The following PPP6R2 variants were observed in gnomAD, a reference collection of about 807,000 sequenced individuals.
PPP6R2 encodes the protein protein phosphatase 6 regulatory subunit 2, also known as serine/threonine-protein phosphatase 6 regulatory subunit 2.
Under a neutral mutation model 100.2 loss-of-function variants are expected in PPP6R2, and 62 were observed. The ratio of observed to expected loss-of-function variants is 0.62; its 90% confidence interval spans 0.50 to 0.76. PPP6R2 has a LOEUF of 0.76. Among genes scored for constraint, PPP6R2 ranks in the 30% least tolerant of loss-of-function variants. The pLI is 0.00. For missense variants in PPP6R2, 1,142 were observed against 1,276.3 expected, an observed-to-expected ratio of 0.89 and a Z score of 1.60; for synonymous variants, 525 against 514.7, an observed-to-expected ratio of 1.02 and a Z score of -0.27.
rs951316286 is a variant in PPP6R2 at position 50,396,790 on chromosome 22, G to A, written c.227+2655G>A. Among the ~76,000 whole-genome samples the A allele has an allele frequency of 1.2e-4, 19 of 152,304 alleles. No individual in the cohort carries two copies. The East Asian group carries it at 3.5e-3, about 28-fold the overall frequency. ...TTTAGGGTGGTCAGGCGTCCTCTTA[G>A]GTAAGGGGAGCAGTGCTGGGTTGGG... On this transcript the variant is annotated intron_variant, in intron 3 of 23. Transcript: ENST00000612753.
the PPP6R2 span, among the ~76,000 whole-genome samples, chr22:50,338,172 GGT>G: frequency 0.016 from 2,255 of 138,162 alleles, 28 homozygotes; most frequent in South Asian, 0.037. Context: ...CGATGTGTGA[GGT>G]GTGTGTGTGC....
At chr22:50,391,432 CAAAAA>C (rs57682271) in intron 2 of PPP6R2, among the ~76,000 whole-genome samples, 2 of 65,292 alleles carry the variant, frequency 3.1e-5, no homozygotes, top group African/African-American at 6.4e-5. Flanking sequence ...GACTCCGTCT[CAAAAA>C]AAAAAAAAAA....
At chr22:50,377,598 G>A (rs1378741664) in intron 2 of PPP6R2, among the ~76,000 whole-genome samples, 5 of 152,192 alleles carry the variant, frequency 3.3e-5, no homozygotes, top group East Asian at 1.9e-4. Flanking sequence ...ATGGGACATC[G>A]AGGGCAAATG....
intron 10 of PPP6R2, among the ~76,000 whole-genome samples, chr22:50,428,679 T>A (rs1180261019): frequency 6.6e-6 from 1 of 151,958 alleles, no homozygotes; most frequent in Non-Finnish European, 1.5e-5. Flanking sequence ...CACGCCACTG[T>A]GTGTACTTCA....
At chr22:50,386,038 T>C (rs1165553084) in intron 2 of PPP6R2, among the ~76,000 whole-genome samples, 2 of 151,284 alleles carry the variant, frequency 1.3e-5, no homozygotes, top group Non-Finnish European at 2.9e-5. Context: ...TTAGCCAGGA[T>C]GGTCTCGATC....
At chr22:50,427,911 A>G (rs111704702) in intron 10 of PPP6R2, among the ~76,000 whole-genome samples, 2,092 of 152,286 alleles carry the variant, frequency 0.014, 20 homozygotes, top group South Asian at 0.029. Flanking sequence ...TAGTAGAGAC[A>G]GGGTTTCACC....
intron 1 of PPP6R2, among the ~76,000 whole-genome samples, chr22:50,356,193 T>G (rs997042943): frequency 2.0e-5 from 3 of 151,652 alleles, no homozygotes; most frequent in Non-Finnish European, 1.5e-5. Flanking sequence ...CTCGATCTCC[T>G]GACCTCGTGA....
At chr22:50,384,711 T>C (rs2053852377) in intron 2 of PPP6R2, among the ~76,000 whole-genome samples, 1 of 152,136 alleles carries the variant, frequency 6.6e-6, no homozygotes, top group Non-Finnish European at 1.5e-5. Context: ...CTGAGTAGTG[T>C]ACTAGCTCAG....
intron 3 of PPP6R2, among the ~76,000 whole-genome samples, chr22:50,404,814 T>A (rs1401806729): frequency 6.6e-6 from 1 of 152,090 alleles, no homozygotes; most frequent in East Asian, 1.9e-4. Flanking sequence ...AGGCCTGTTC[T>A]GAGACAGCCA....
the PPP6R2 span, among the ~76,000 whole-genome samples, chr22:50,332,188 A>G: frequency 6.6e-6 from 1 of 151,818 alleles, no homozygotes; most frequent in African/African-American, 2.4e-5. Flanking sequence ...GTCTTAACCT[A>G]AGGTCCTAAG....
At chr22:50,436,852 G>A (rs2064400394) in intron 14 of PPP6R2, 136 bp from the exon 15 acceptor site, 3 of 740,856 alleles carry the variant, frequency 4.0e-6, no homozygotes, top group Non-Finnish European at 7.0e-6. Flanking sequence ...GGCCTCCTGG[G>A]CCCAGAGATC....
intron 19 of PPP6R2, among the ~76,000 whole-genome samples, chr22:50,439,038 G>A (rs915020993): frequency 2.7e-5 from 4 of 149,618 alleles, no homozygotes; most frequent in Non-Finnish European, 4.5e-5. Flanking sequence ...TCCATCGTCC[G>A]TCCAGCCCCC....
chr22:50,419,150 G>T (rs547305714), intron 7 of PPP6R2, among the ~76,000 whole-genome samples, 171 bp downstream of exon 7: 1 of 152,218 alleles, frequency 6.6e-6, no homozygotes, highest in Non-Finnish European at 1.5e-5. Flanking sequence ...AGAGGGAGGG[G>T]TCTCCAGAGG....
intron 14 of PPP6R2, 104 bp from the exon 15 acceptor site, chr22:50,436,884 G>A: frequency 2.3e-6 from 2 of 878,694 alleles, no homozygotes; most frequent in East Asian, 5.3e-5. Context: ...GTGCTGGGTG[G>A]GGTCTGGGAG....
intron 7 of PPP6R2, among the ~76,000 whole-genome samples, 162 bp downstream of exon 7, chr22:50,419,141 G>A (rs1324624414): frequency 6.6e-6 from 1 of 152,218 alleles, no homozygotes; most frequent in East Asian, 1.9e-4. Context: ...CCTGTTTCCA[G>A]AGGGAGGGGT....
intron 9 of PPP6R2, among the ~76,000 whole-genome samples, chr22:50,422,803 C>T (rs2061508273): frequency 6.6e-6 from 1 of 152,174 alleles, no homozygotes; most frequent in Non-Finnish European, 1.5e-5. Context: ...CCCGTCTCAC[C>T]CTCCCCAGAC....
In PPP6R2 at chr22:50,406,814, C is replaced by T; in HGVS notation, c.353C>T (p.Pro118Leu). Reference sequence around the variant, plus strand: ...TTGGACCATGAGCCGCCTCTCAATCCTCTGCTCGCCAGTTTTTTCAGCAAG... The same window carrying T: ...TTGGACCATGAGCCGCCTCTCAATCTTCTGCTCGCCAGTTTTTTCAGCAAG... ...DFLDHEPPLN[P>L]LLASFFSKTI... Residue 118 changes from proline to leucine, a missense_variant, in exon 4 of 24, where the codon CCT becomes CTT. Pro to Leu is a moderately conservative substitution (Grantham distance 98). Transcript: ENST00000612753. The T allele has an allele frequency of 6.2e-7, 1 of 1,614,166 alleles. No homozygotes were observed. The highest frequency in any genetic ancestry group is 1.1e-5 in the South Asian group (1 of 91,082).
intron 15 of PPP6R2, 23 bp downstream of exon 15, chr22:50,437,091 C>CACCCTGCCGGGCCCTTCCCGGCACCTGT (rs2064477644): frequency 1.3e-6 from 2 of 1,546,786 alleles, no homozygotes; most frequent in African/African-American, 2.7e-5. Context: ...CCGGCACCTG[C>CACCCTGCCGGGCCCTTCCCGGCACCTGT]ACCCTGCCGG....
At chr22:50,438,482 C>T in intron 18 of PPP6R2, 117 bp from the exon 19 acceptor site, 2 of 1,429,092 alleles carry the variant, frequency 1.4e-6, no homozygotes, top group East Asian at 2.3e-5. Flanking sequence ...GCGTCTCGTG[C>T]TCCTCTCTCG....
Sources: gnomAD v4.1 joint callset for allele counts (sites outside exome capture counted in the v4.1 genomes callset) on GRCh38, gnomAD v4.1.1 for gene constraint, MANE v1.5 for transcripts, NCBI Gene and HGNC (gene_info 2026-07-23, HGNC 2026-07-21) for gene names.